The following VWDE variants were observed in gnomAD, a reference collection of about 807,000 sequenced individuals.
The protein encoded by VWDE is von Willebrand factor D and EGF domains.
In VWDE, 207 loss-of-function variants were observed where a neutral mutation model predicts 178.4. The observed-to-expected ratio is 1.16, with a 90% CI of 1.04 to 1.30. VWDE has a LOEUF of 1.30. Ranked by LOEUF, VWDE falls within the 50% of genes most tolerant of loss-of-function variation. VWDE has a pLI of 0.00. For missense variants in VWDE, 2,287 were observed against 1,901.3 expected (o/e 1.20, Z -3.77); for synonymous variants, 738 against 651.4 (o/e 1.13, Z -2.02).
In VWDE at chr7:12,403,667, C is replaced by T. The variant is rs181950065; in HGVS notation, c.50G>A (p.Trp17Ter). 18 of 1,545,602 alleles carry T rather than the reference C, an allele frequency of 1.2e-5. No homozygotes were observed. In the African/African-American group the frequency reaches 1.9e-4, roughly 16 times the overall value. ...CGCCCTACCTCGCTTACCTTCCCCC[C>T]AGGCCAGGAACATCAGCGCGATCAC... The part of the protein sequence containing the change: ...VLVIALMFLA[W>*]GEAQECSPGG... The change falls in exon 1 of 29, where the codon TGG becomes TAG. Residue 17 changes from tryptophan (W) to a stop codon, truncating the protein, a stop_gained. Coordinates refer to ENST00000275358, the MANE Select transcript of VWDE (RefSeq NM_001135924.3). LOFTEE classifies it high-confidence loss of function.
chr7:12,397,980 G>C (rs1188500418), intron 1 of VWDE, among the ~76,000 whole-genome samples: 1 of 152,124 alleles, frequency 6.6e-6, no homozygotes, highest in Non-Finnish European at 1.5e-5. Flanking sequence ...AATTAAATCA[G>C]TCACTATGAA....
In VWDE at chr7:12,333,609, G is replaced by A. The variant is rs768616439; in HGVS notation, c.4655-41C>T. 2.4e-5 allele frequency: 33 copies of A among 1,363,724 alleles called. No homozygotes were observed. The South Asian group carries it at 4.0e-4, about 17-fold the overall frequency. The allele number at this position is 1,363,724 out of a possible 1,614,324, so 84.5% of individuals were successfully genotyped here. On this transcript the variant is annotated intron_variant, in intron 27 of 28. Coordinates refer to ENST00000275358, the MANE Select transcript of VWDE (RefSeq NM_001135924.3). ...TTTTACAATGACCATCCTTTGACAT[G>A]AAATGCTTGTGGCATATTCTATCCT...
At chr7:12,400,665 T>C (rs887591822) in intron 1 of VWDE, among the ~76,000 whole-genome samples, 2 of 151,324 alleles carry the variant, frequency 1.3e-5, no homozygotes, top group African/African-American at 4.8e-5. Flanking sequence ...TTTCAAAAAA[T>C]AGAAGAAGAT....
intron 4 of VWDE, 105 bp from the exon 5 acceptor site, chr7:12,380,838 A>C: frequency 7.7e-7 from 1 of 1,304,782 alleles, no homozygotes; most frequent in Non-Finnish European, 1.0e-6. Flanking sequence ...TCTTAAGAAA[A>C]AGCAAGCTAA....
chr7:12,352,748 C>T (rs994211478), intron 18 of VWDE, among the ~76,000 whole-genome samples: 1 of 152,152 alleles, frequency 6.6e-6, no homozygotes, highest in Admixed American at 6.5e-5. Flanking sequence ...CAAGATGCTG[C>T]TGCTTCCTTA....
chr7:12,378,316 C>T (rs1405295187), intron 6 of VWDE, among the ~76,000 whole-genome samples: 1 of 152,142 alleles, frequency 6.6e-6, no homozygotes, highest in African/African-American at 2.4e-5. Flanking sequence ...GGATTAATAC[C>T]ACCATCTCAA....
chr7:12,393,904 CCT>C, intron 1 of VWDE, 126 bp from the exon 2 acceptor site: 1 of 696,574 alleles, frequency 1.4e-6, no homozygotes, highest in Non-Finnish European at 2.2e-6. Context: ...ACATAAAGAC[CCT>C]CTGAAATGTC....
Position 12,374,760 on chromosome 7 carries a change from G to A in VWDE, c.1245C>T (p.Ile415=), listed in dbSNP as rs1324046608. Residue 415 remains isoleucine (I), a splice_region_variant and synonymous_variant, in exon 9 of 29, where the codon ATC becomes ATT. Transcript: ENST00000275358. ...AAGCAGTTGGGACATCCTTTACTTT[G>A]ATCTTAAAAGCAAAGATATTTTTGG... ...WNNYIPDSIQ[I]KVKDVPTAYC... 6.6e-7 allele frequency: 1 copy of A among 1,523,678 alleles called. No individual in the cohort carries two copies. The highest frequency in any genetic ancestry group is 1.4e-5 in the African/African-American group (1 of 71,978). 94.4% of individuals were successfully genotyped at this position (1,523,678 alleles called of 1,614,324 possible). A position where few individuals can be genotyped will look rare whatever the true frequency, so the allele number is the denominator to read the frequency against.
Position 12,351,702 on chromosome 7 carries a change from A to C in VWDE, c.3757T>G (p.Phe1253Val), listed in dbSNP as rs1362488312. Residue 1253 changes from phenylalanine to valine, a missense_variant, in exon 19 of 29, where the codon TTT becomes GTT. Physicochemically the swap from Phe to Val is conservative, Grantham distance 50 (BLOSUM62 -1). Coordinates refer to ENST00000275358, the MANE Select transcript of VWDE (RefSeq NM_001135924.3). ...CPPELKVETQ[F>V]VNQFTTQTVV... ...GTTTGTGTAGTAAATTGATTTACAA[A>C]CTGTGTTTCAACTGTAAATGAGAAC... 3 of 1,543,782 alleles carry C rather than the reference A, an allele frequency of 1.9e-6. No individual in the cohort carries two copies. The African/African-American group carries it at 4.1e-5, about 21-fold the overall frequency.
At chr7:12,401,082 C>A (rs757914836) in intron 1 of VWDE, among the ~76,000 whole-genome samples, 1 of 151,990 alleles carries the variant, frequency 6.6e-6, no homozygotes, top group African/African-American at 2.4e-5. Flanking sequence ...AGGATATATA[C>A]GAAAATCCCA....
At chr7:12,381,370 T>G (rs1015132916) in intron 4 of VWDE, among the ~76,000 whole-genome samples, 1 of 152,132 alleles carries the variant, frequency 6.6e-6, no homozygotes, top group Non-Finnish European at 1.5e-5. Context: ...GGATAAGTTT[T>G]TTGTTTAGTT....
At chr7:12,355,285 G>A (rs1202295879) in intron 18 of VWDE, among the ~76,000 whole-genome samples, 3 of 151,960 alleles carry the variant, frequency 2.0e-5, no homozygotes, top group East Asian at 1.9e-4. Flanking sequence ...GGCTGGTGGC[G>A]GGCGCCTGTA....
At chr7:12,355,973 T>A (rs991915031) in intron 18 of VWDE, 138 bp downstream of exon 18, 1 of 764,682 alleles carries the variant, frequency 1.3e-6, no homozygotes, top group East Asian at 2.7e-5. Context: ...GGATAGTAAT[T>A]ATATTTGTAA....
At chr7:12,355,724 A>G (rs544488054) in intron 18 of VWDE, among the ~76,000 whole-genome samples, 14 of 152,290 alleles carry the variant, frequency 9.2e-5, no homozygotes, top group African/African-American at 3.4e-4. Context: ...TTCTAAGTCA[A>G]CGAATTATCA....
At position 12,370,176 on chromosome 7, in the gene VWDE, A is replaced by G; in HGVS notation, c.2130T>C (p.Asn710=). 6.4e-7 allele frequency: 1 copy of G among 1,551,422 alleles called. No individual in the cohort carries two copies. The highest frequency in any genetic ancestry group is 1.2e-5 in the South Asian group (1 of 84,046). Residue 710 remains asparagine, a synonymous_variant, in exon 12 of 29, where the codon AAT becomes AAC. Transcript: ENST00000275358. ...KHINLTKLGL[N]VQKHPGNEKE... ...TCTCATTTCCAGGATGTTTTTGTACATTTAAGCCGAGTTTAGTCAGGTTTA... is the reference window on the plus strand; with the variant it reads ...TCTCATTTCCAGGATGTTTTTGTACGTTTAAGCCGAGTTTAGTCAGGTTTA...
chr7:12,379,507 G>T lies in VWDE; in HGVS notation c.849C>A (p.Ile283=). 1 of 1,549,792 alleles carries T rather than the reference G, an allele frequency of 6.5e-7. No homozygotes were observed. The highest frequency in any genetic ancestry group is 8.7e-7 in the Non-Finnish European group (1 of 1,145,946). ...LENPHVQSVA[I]ESQEFFAGFK... Reference sequence around the variant, plus strand: ...AGCCTGCAAAAAATTCTTGGCTTTCGATGGCTACACTTTGTACATGAGGAT... The same window carrying T: ...AGCCTGCAAAAAATTCTTGGCTTTCTATGGCTACACTTTGTACATGAGGAT... The change falls in exon 6 of 29, where the codon ATC becomes ATA. Residue 283 remains isoleucine (I), a synonymous_variant. Coordinates refer to ENST00000275358, the MANE Select transcript of VWDE (RefSeq NM_001135924.3).
At chr7:12,394,056 C>A (rs1273293209) in intron 1 of VWDE, among the ~76,000 whole-genome samples, 1 of 152,080 alleles carries the variant, frequency 6.6e-6, no homozygotes, top group Non-Finnish European at 1.5e-5. Context: ...ATTCGAACAA[C>A]CAATAGAGCT....
chr7:12,346,691 G>C (rs1781618253), intron 19 of VWDE, among the ~76,000 whole-genome samples: 1 of 151,738 alleles, frequency 6.6e-6, no homozygotes, highest in African/African-American at 2.4e-5. Context: ...TTACTTCTTT[G>C]GTATGGAAAA....
intron 22 of VWDE, 78 bp downstream of exon 22, chr7:12,343,005 A>G (rs1042875793): frequency 1.8e-6 from 2 of 1,100,722 alleles, no homozygotes; most frequent in African/African-American, 1.6e-5. Context: ...GTTTGGGTTC[A>G]TTTCACGTAG....
Sources: gnomAD v4.1 joint callset for allele counts (sites outside exome capture counted in the v4.1 genomes callset) on GRCh38, gnomAD v4.1.1 for gene constraint, MANE v1.5 for transcripts, NCBI Gene and HGNC (gene_info 2026-07-23, HGNC 2026-07-21) for gene names.